Variants in SCNN1A observed in about 807,000 individuals in gnomAD.
SCNN1A encodes the protein sodium channel epithelial 1 subunit alpha.
Under a neutral mutation model 68.6 loss-of-function variants are expected in SCNN1A, and 65 were observed. The observed-to-expected ratio is 0.95, with a 90% CI of 0.78 to 1.16. The LOEUF is 1.16. Among genes scored for constraint, SCNN1A ranks in the 50% most tolerant of loss-of-function variants. The pLI, the probability that SCNN1A is intolerant of heterozygous loss-of-function variation, is 0.00. For missense variants in SCNN1A, 880 were observed against 865.9 expected, an observed-to-expected ratio of 1.02 and a Z score of -0.20; for synonymous variants, 357 against 353.3, an observed-to-expected ratio of 1.01 and a Z score of -0.12.
intron 2 of SCNN1A, among the ~76,000 whole-genome samples, chr12:6,364,837 A>G (rs1282130610): frequency 1.1e-4 from 17 of 152,220 alleles, no homozygotes. Flanking sequence ...GCAACAGAAA[A>G]TTGGAAAACC....
In SCNN1A at chr12:6,374,707, C is replaced by A. The variant is rs72645127; in HGVS notation, c.77G>T (p.Arg26Leu). 4 of 1,614,118 alleles carry A rather than the reference C, an allele frequency of 2.5e-6. No individual in the cohort carries two copies. The highest frequency in any genetic ancestry group is 3.4e-6 in the Non-Finnish European group (4 of 1,180,006). The change falls in exon 2 of 13, where the codon CGT becomes CTT. Residue 26 changes from arginine (R) to leucine (L), a missense_variant. Physicochemically the swap from Arg to Leu is moderately radical, Grantham distance 102. Transcript: ENST00000228916. This position sits in a 1 kb window ranked among gnomAD's most constrained non-coding sequence, Gnocchi z 6.2. The stretch of plus-strand genomic sequence containing the variant: ...TTCGGGGCCCAGCCCCTGCTCCTCA[C>A]GCTTGTTCCCCTTCATGAGCCCTGG... ...STPGLMKGNK[R>L]EEQGLGPEPA...
intron 2 of SCNN1A, 146 bp from the exon 3 acceptor site, chr12:6,363,856 T>G: frequency 3.6e-5 from 20 of 563,370 alleles, no homozygotes; most frequent in East Asian, 1.3e-4. Context: ...TGGCGCCTCC[T>G]GGCCGTCCGG....
At chr12:6,361,757 AC>A (rs63292660) in intron 4 of SCNN1A, among the ~76,000 whole-genome samples, 9 of 151,876 alleles carry the variant, frequency 5.9e-5, no homozygotes, top group East Asian at 3.9e-4. Flanking sequence ...AAAAAGAAAA[AC>A]AAAAAAGACC....
intron 8 of SCNN1A, among the ~76,000 whole-genome samples, chr12:6,352,924 C>A (rs2136860652): frequency 6.6e-6 from 1 of 152,344 alleles, no homozygotes; most frequent in Middle Eastern, 3.4e-3. Context: ...TACCATGTCC[C>A]CTCCCGTGAT....
chr12:6,377,117 A>G (rs1459807569), upstream of SCNN1A: 17 of 644,236 alleles, frequency 2.6e-5, no homozygotes, highest in Non-Finnish European at 4.3e-5. Context: ...TTAGCAGGCA[A>G]AGAAGAGAAA....
At chr12:6,369,780 G>C (rs1040515660) in intron 2 of SCNN1A, among the ~76,000 whole-genome samples, 11 of 143,432 alleles carry the variant, frequency 7.7e-5, no homozygotes, top group African/African-American at 2.9e-4. Context: ...CTTGCAGTGA[G>C]CCAAGATCCC....
At position 6,348,156 on chromosome 12, in the gene SCNN1A, A is replaced by G; in HGVS notation, c.1727T>C (p.Leu576Pro). 1 of 1,614,154 alleles carries G rather than the reference A, an allele frequency of 6.2e-7. No individual in the cohort carries two copies. Among genetic ancestry groups the G allele is most frequent in the Non-Finnish European group, 8.5e-7 (1 of 1,180,016 alleles). Residue 576 changes from leucine to proline, a missense_variant, in exon 13 of 13, where the codon CTG (leucine) becomes CCG (proline). This residue lies in a region of SCNN1A where 758 missense variants were observed against 721.8 expected (regional missense o/e 1.05). Transcript: ENST00000228916. ...VVEMAELVFD[L>P]LVIMFLMLLR... ...CAGCATGAGGAACATGATGACCAGC[A>G]GGTCAAAGACGAGCTCAGCCATCTC...
At chr12:6,348,927 G>T in intron 11 of SCNN1A, 23 bp downstream of exon 11, 1 of 1,613,476 alleles carries the variant, frequency 6.2e-7, no homozygotes, top group Non-Finnish European at 8.5e-7. Flanking sequence ...CCTTCTTGTG[G>T]CTGGGACCAG....
intron 4 of SCNN1A, among the ~76,000 whole-genome samples, chr12:6,356,712 C>T (rs1225475301): frequency 6.6e-6 from 1 of 152,212 alleles, no homozygotes; most frequent in Non-Finnish European, 1.5e-5. Flanking sequence ...AACAGGGAGG[C>T]TGTGTGGGTT....
intron 2 of SCNN1A, among the ~76,000 whole-genome samples, chr12:6,369,343 C>T (rs915121053): frequency 7.6e-6 from 1 of 130,870 alleles, no homozygotes; most frequent in Non-Finnish European, 1.7e-5. Flanking sequence ...ACCCTACGCA[C>T]CTCCCTCCTG....
intron 12 of SCNN1A, 96 bp from the exon 13 acceptor site, chr12:6,348,349 C>A: frequency 1.3e-6 from 2 of 1,595,270 alleles, no homozygotes; most frequent in South Asian, 1.1e-5. Context: ...TGTCTCCCTT[C>A]ATCCCTGAAG....
chr12:6,370,274 C>T (rs1948765651), intron 2 of SCNN1A, among the ~76,000 whole-genome samples: 1 of 152,350 alleles, frequency 6.6e-6, no homozygotes, highest in Admixed American at 6.5e-5. Context: ...TGAACCCAGG[C>T]CTGTTCACTC....
intron 4 of SCNN1A, among the ~76,000 whole-genome samples, chr12:6,358,859 C>CA (rs35673511): frequency 0.023 from 1,929 of 83,282 alleles, 24 homozygotes; most frequent in South Asian, 0.075. Context: ...GAACCTGTCT[C>CA]AAAAAAAAAA....
At chr12:6,359,285 A>G (rs1301073165) in intron 4 of SCNN1A, among the ~76,000 whole-genome samples, 2 of 152,154 alleles carry the variant, frequency 1.3e-5, no homozygotes, top group African/African-American at 2.4e-5. Context: ...AAAAAAGATT[A>G]TAGGGTGGGG....
intron 7 of SCNN1A, 96 bp downstream of exon 7, chr12:6,354,654 C>CCTCT (rs369130626): frequency 7.2e-7 from 1 of 1,381,978 alleles, no homozygotes; most frequent in Non-Finnish European, 1.0e-6. Flanking sequence ...CCCCAGTTTC[C>CCTCT]CTCTCTCTCT....
upstream of SCNN1A, chr12:6,375,581 C>G: frequency 1.3e-6 from 2 of 1,533,770 alleles, no homozygotes; most frequent in Non-Finnish European, 1.7e-6. Flanking sequence ...ATCTCATTAG[C>G]ATCTCAATTA....
intron 2 of SCNN1A, among the ~76,000 whole-genome samples, chr12:6,369,702 T>A (rs192272483): frequency 6.6e-6 from 1 of 151,704 alleles, no homozygotes; most frequent in African/African-American, 2.4e-5. Context: ...GGCATGGTGG[T>A]GGGCGCCTGT....
chr12:6,347,807 T>C lies in SCNN1A; in HGVS notation c.*66A>G, dbSNP rs1180862136. 6.4e-6 allele frequency: 9 copies of C among 1,400,298 alleles called. No individual in the cohort carries two copies. In the East Asian group the frequency reaches 1.4e-4, roughly 22 times the overall value. 86.7% of individuals were successfully genotyped at this position (1,400,298 alleles called of 1,614,324 possible). A position where few individuals can be genotyped will look rare whatever the true frequency, so the allele number is the denominator to read the frequency against. Reference sequence around the variant, plus strand: ...GGAAGCCCTGCACATCCTTCAATCTTGCCAGGGCCAGCACCCTCCCACCAG... The same window carrying C: ...GGAAGCCCTGCACATCCTTCAATCTCGCCAGGGCCAGCACCCTCCCACCAG... On this transcript the variant is annotated 3_prime_UTR_variant, in exon 13 of 13. Coordinates refer to ENST00000228916, the MANE Select transcript of SCNN1A (RefSeq NM_001038.6).
chr12:6,376,278 G>A (rs746071582), upstream of SCNN1A: 3 of 734,152 alleles, frequency 4.1e-6, no homozygotes, highest in Non-Finnish European at 3.3e-6. Flanking sequence ...GTCCAGACCC[G>A]GGAGGGGCCC....
Sources: allele counts gnomAD v4.1 joint callset (sites outside exome capture counted in the v4.1 genomes callset), GRCh38; gene constraint gnomAD v4.1.1; regional missense constraint gnomAD v4.1.1; non-coding constraint Gnocchi (gnomAD v3.1); transcripts MANE v1.5; gene names NCBI Gene and HGNC (gene_info 2026-07-23, HGNC 2026-07-21).